Variants in PRKN observed in about 807,000 individuals in gnomAD.
PRKN encodes parkin RBR E3 ubiquitin protein ligase, also known as E3 ubiquitin-protein ligase parkin.
In PRKN, 56 loss-of-function variants were observed where a neutral mutation model predicts 59.5. That is an observed-to-expected ratio of 0.94 (90% CI 0.76 to 1.18). The LOEUF is 1.18. PRKN is among the 50% of genes most tolerant of loss of function. PRKN has a pLI of 0.00. For synonymous variants in PRKN, 250 were observed against 222.1 expected (o/e 1.13, Z -1.12); for missense variants, 657 against 596.4 (o/e 1.10, Z -1.06).
At chr6:161,880,284 T>C (rs906206374) in intron 6 of PRKN, among the ~76,000 whole-genome samples, 1 of 152,204 alleles carries the variant, frequency 6.6e-6, no homozygotes, top group Non-Finnish European at 1.5e-5. Context: ...TTCGATAACA[T>C]GTGCTAAGAT....
At position 162,015,541 on chromosome 6, in the gene PRKN, G is replaced by A. The variant is rs547673883; in HGVS notation, c.618+38550C>T. Among the ~76,000 whole-genome samples the A allele has an allele frequency of 1.2e-4, 18 of 152,230 alleles. 1 individual carries two copies. The South Asian group carries it at 3.5e-3, about 30-fold the overall frequency. On this transcript the variant is annotated intron_variant, in intron 5 of 11. Coordinates refer to ENST00000366898, the MANE Select transcript of PRKN (RefSeq NM_004562.3). ...CAACAGGAATGGCATTTGTAAGCTG[G>A]AGATTGTCAGCTACGCTCTTGCTGC...
In PRKN at chr6:161,458,217, G is replaced by T. The variant is rs1790056570; in HGVS notation, c.1084-71340C>A. 6.6e-6 allele frequency among the ~76,000 whole-genome samples: 1 copy of T among 152,178 alleles called. No homozygotes were observed. Among genetic ancestry groups the T allele is most frequent in the Non-Finnish European group, 1.5e-5 (1 of 68,040 alleles). On this transcript the variant is annotated intron_variant, in intron 9 of 11. Transcript: ENST00000366898. This position sits in a 1 kb window ranked among gnomAD's most constrained non-coding sequence, Gnocchi z 6.1. ...GCAGCTGCTTATCGAGCTAAAGAAG[G>T]CCTGGTGTCTCTGCTGCCACTTACA...
At chr6:162,078,038 C>T (rs1209543724) in intron 4 of PRKN, among the ~76,000 whole-genome samples, 3 of 150,518 alleles carry the variant, frequency 2.0e-5, no homozygotes, top group Admixed American at 2.0e-4. Context: ...TTTTTATTCA[C>T]AATACTAGCA....
intron 6 of PRKN, among the ~76,000 whole-genome samples, chr6:161,913,168 A>G (rs1218144451): frequency 1.6e-5 from 2 of 123,614 alleles, no homozygotes; most frequent in African/African-American, 2.8e-5. Context: ...ACTCCATCTC[A>G]GGAAAAAAAA....
chr6:162,382,136 C>G (rs1562718225), intron 2 of PRKN, among the ~76,000 whole-genome samples: 2 of 152,132 alleles, frequency 1.3e-5, no homozygotes, highest in Non-Finnish European at 2.9e-5. Flanking sequence ...CTCCCCCACT[C>G]AGAGTCATAA....
chr6:162,442,295 G>T (rs1191742159), intron 2 of PRKN, among the ~76,000 whole-genome samples: 4 of 152,174 alleles, frequency 2.6e-5, no homozygotes, highest in Non-Finnish European at 1.5e-5. Context: ...GAGCCCCCCT[G>T]CGCGGAGCAG....
At chr6:161,583,316 A>G (rs1173821625) in intron 7 of PRKN, among the ~76,000 whole-genome samples, 2 of 152,208 alleles carry the variant, frequency 1.3e-5, no homozygotes, top group Admixed American at 6.5e-5. Flanking sequence ...TAAAAAGACA[A>G]TGTTTAAGCT....
At position 161,385,335 on chromosome 6, in the gene PRKN, C is replaced by G. The variant is rs189586240; in HGVS notation, c.1167+1459G>C. The stretch of plus-strand genomic sequence containing the variant: ...ATTGACACTATTTGCAGACACAGTT[C>G]CCCCGATGCTGGACATCTATGGTTT... On this transcript the variant is annotated intron_variant, in intron 10 of 11. Coordinates refer to ENST00000366898, the MANE Select transcript of PRKN (RefSeq NM_004562.3). The surrounding 1 kb of genome is among the most constrained non-coding windows in gnomAD (Gnocchi z 4.9). 4.3e-4 allele frequency among the ~76,000 whole-genome samples: 66 copies of G among 152,254 alleles called. No homozygotes were observed. The highest frequency in any genetic ancestry group is 6.8e-3 in the Middle Eastern group (2 of 294).
At chr6:162,711,444 A>C (rs1778533974) in intron 1 of PRKN, among the ~76,000 whole-genome samples, 1 of 151,910 alleles carries the variant, frequency 6.6e-6, no homozygotes, top group Admixed American at 6.6e-5. Context: ...AACCAGGAAA[A>C]GTCATGTGGA....
intron 7 of PRKN, among the ~76,000 whole-genome samples, chr6:161,694,252 G>C (rs1460923281): frequency 6.6e-6 from 1 of 152,048 alleles, no homozygotes; most frequent in African/African-American, 2.4e-5. Context: ...AAGAAAAAAA[G>C]ATTTTGACCA....
At chr6:162,372,752 A>G (rs146728075) in intron 2 of PRKN, among the ~76,000 whole-genome samples, 11 of 152,226 alleles carry the variant, frequency 7.2e-5, no homozygotes, top group African/African-American at 2.4e-4. Flanking sequence ...CAAATAAATG[A>G]ATAAATAAAA....
At chr6:162,250,997 G>A (rs893814231) in intron 3 of PRKN, among the ~76,000 whole-genome samples, 5 of 151,996 alleles carry the variant, frequency 3.3e-5, no homozygotes, top group African/African-American at 1.2e-4. Context: ...TTGGGACACT[G>A]AATCTTCATT....
intron 5 of PRKN, among the ~76,000 whole-genome samples, chr6:162,002,508 T>C (rs1782096845): frequency 6.6e-6 from 1 of 152,108 alleles, no homozygotes; most frequent in Admixed American, 6.6e-5. Context: ...TTATTTCCAA[T>C]GTTAGTAATT....
chr6:161,599,582 A>C (rs1437702438), intron 7 of PRKN, among the ~76,000 whole-genome samples: 1 of 152,162 alleles, frequency 6.6e-6, no homozygotes, highest in Non-Finnish European at 1.5e-5. Flanking sequence ...GGCATCTTGG[A>C]CATGTCATTT....
chr6:162,654,936 T>C (rs922085604), intron 1 of PRKN, among the ~76,000 whole-genome samples: 1 of 152,078 alleles, frequency 6.6e-6, no homozygotes, highest in African/African-American at 2.4e-5. Context: ...AACCATATCA[T>C]TTACTTAAAA....
In PRKN at chr6:162,531,093, G is replaced by A. The variant is rs894779845; in HGVS notation, c.8-87620C>T. Among the ~76,000 whole-genome samples the A allele has an allele frequency of 6.0e-5, 9 of 149,312 alleles. 1 individual carries two copies. Among genetic ancestry groups the A allele is most frequent in the Admixed American group, 2.7e-4 (4 of 14,954 alleles). Reference sequence around the variant, plus strand: ...AAAAAAAAAAATGTACAGGCCAGGCGTGGTGGTTCACGCCTGTAATCCCAG... The same window carrying A: ...AAAAAAAAAAATGTACAGGCCAGGCATGGTGGTTCACGCCTGTAATCCCAG... On this transcript the variant is annotated intron_variant, in intron 1 of 11. Coordinates refer to ENST00000366898, the MANE Select transcript of PRKN (RefSeq NM_004562.3).
intron 1 of PRKN, among the ~76,000 whole-genome samples, chr6:162,551,526 A>G (rs1442446276): frequency 6.6e-6 from 1 of 152,168 alleles, no homozygotes; most frequent in Non-Finnish European, 1.5e-5. Flanking sequence ...ACTTCTTAGC[A>G]TTTTTCCCTT....
At chr6:161,956,813 G>C (rs1032976671) in intron 6 of PRKN, among the ~76,000 whole-genome samples, 3 of 152,086 alleles carry the variant, frequency 2.0e-5, no homozygotes, top group Non-Finnish European at 4.4e-5. Flanking sequence ...GTGCATTTTA[G>C]CATTTTCCTA....
chr6:161,430,997 G>A (rs573682529), intron 9 of PRKN, among the ~76,000 whole-genome samples: 34 of 151,416 alleles, frequency 2.2e-4, no homozygotes, highest in South Asian at 8.4e-4. Flanking sequence ...AAATTAGCAC[G>A]GCACAGTGGT....
Sources: gnomAD v4.1 joint callset for allele counts (sites outside exome capture counted in the v4.1 genomes callset) on GRCh38, gnomAD v4.1.1 for gene constraint, Gnocchi (gnomAD v3.1) non-coding constraint, MANE v1.5 for transcripts, NCBI Gene and HGNC (gene_info 2026-07-23, HGNC 2026-07-21) for gene names.